TBC1D12: variants seen among roughly 807,000 people sequenced by gnomAD.
TBC1D12 encodes the protein TBC1 domain family, member 12.
Under a neutral mutation model 86.7 loss-of-function variants are expected in TBC1D12, and 56 were observed. The ratio of observed to expected loss-of-function variants is 0.65; its 90% CI spans 0.52 to 0.81. The LOEUF (loss-of-function observed/expected upper bound fraction) is 0.81. TBC1D12 is among the 30% of genes least tolerant of loss of function. TBC1D12 has a pLI of 0.00. For synonymous variants in TBC1D12, 421 were observed against 411.7 expected (o/e 1.02, Z -0.27); for missense variants, 1,023 against 1,038.8 (o/e 0.98, Z 0.21).
chr10:94,422,412 T>A (rs2055087921), intron 1 of TBC1D12, among the ~76,000 whole-genome samples: 1 of 151,920 alleles, frequency 6.6e-6, no homozygotes, highest in Non-Finnish European at 1.5e-5. Context: ...ATGGTCTCAA[T>A]CTCCTGACCT....
intron 9 of TBC1D12, among the ~76,000 whole-genome samples, chr10:94,515,003 G>A (rs1347748115): frequency 7.5e-5 from 11 of 147,392 alleles, no homozygotes; most frequent in Non-Finnish European, 1.6e-4. Context: ...CGCCTCCCGG[G>A]TTCACGCCAT....
chr10:94,503,488 A>C (rs1240299959), intron 6 of TBC1D12, among the ~76,000 whole-genome samples: 6 of 152,238 alleles, frequency 3.9e-5, no homozygotes, highest in African/African-American at 1.4e-4. Context: ...AATTGGACAG[A>C]ATTATAACAA....
intron 2 of TBC1D12, among the ~76,000 whole-genome samples, chr10:94,455,681 G>A (rs941168425): frequency 2.2e-4 from 33 of 152,330 alleles, no homozygotes; most frequent in Middle Eastern, 3.4e-3. Flanking sequence ...TGTAATCCCA[G>A]CACTTTGGGA....
At chr10:94,524,347 G>T (rs192492990) in intron 11 of TBC1D12, among the ~76,000 whole-genome samples, 7 of 152,262 alleles carry the variant, frequency 4.6e-5, no homozygotes, top group African/African-American at 1.7e-4. Flanking sequence ...GCAAAATGTG[G>T]TTTAGCTGTT....
Position 94,403,088 on chromosome 10 carries a change from G to A in TBC1D12, c.475G>A (p.Gly159Ser), listed in dbSNP as rs1423569939. 1 of 1,427,648 alleles carries A rather than the reference G, an allele frequency of 7.0e-7. No homozygotes were observed. The highest frequency in any genetic ancestry group is 9.1e-7 in the Non-Finnish European group (1 of 1,094,262). The allele number at this position is 1,427,648 out of a possible 1,614,324, so 88.4% of individuals were successfully genotyped here. Residue 159 changes from glycine (G) to serine (S), a missense_variant, in exon 1 of 13, where the codon GGC (glycine) becomes AGC (serine). This residue lies in a region of TBC1D12 where 628 missense variants were observed against 531.1 expected (regional missense o/e 1.18). Coordinates refer to ENST00000225235, the MANE Select transcript of TBC1D12 (RefSeq NM_015188.2). ...AGAGGCTCGCGGGCTGGCGCGCGCC[G>A]GCGGCCGGGAGTCGCGCCGCCGCCG... Reference protein sequence around the residue: ...LEEARGLARAGGRESRRRRPY... With the variant: ...LEEARGLARASGRESRRRRPY...
intron 2 of TBC1D12, among the ~76,000 whole-genome samples, chr10:94,467,135 AAT>A (rs1438237829): frequency 1.3e-5 from 2 of 152,340 alleles, no homozygotes; most frequent in East Asian, 1.9e-4. Flanking sequence ...TTTAAATAAA[AAT>A]AGTGTTCTTG....
Position 94,498,052 on chromosome 10 carries a change from C to T in TBC1D12, c.1412+880C>T, listed in dbSNP as rs192385997. ...CACAGGATGGTCTCGATCTCCTGAC[C>T]TTGTGATCTGCCTGCCTCGGCCTCC... On this transcript the variant is annotated intron_variant, in intron 5 of 12. Transcript: ENST00000225235. Among the ~76,000 whole-genome samples the T allele has an allele frequency of 3.0e-3, 452 of 152,196 alleles. 3 individuals are homozygous for T. The highest frequency in any genetic ancestry group is 0.01 in the African/African-American group (426 of 41,528).
intron 3 of TBC1D12, among the ~76,000 whole-genome samples, chr10:94,475,895 C>T (rs1564965844): frequency 6.6e-6 from 1 of 151,428 alleles, no homozygotes; most frequent in African/African-American, 2.4e-5. Context: ...TGGATCAATT[C>T]TTTTTTTTTA....
chr10:94,496,933 T>C, intron 4 of TBC1D12, 122 bp from the exon 5 acceptor site: 1 of 470,694 alleles, frequency 2.1e-6, no homozygotes, highest in Non-Finnish European at 3.6e-6. Context: ...CCTTATTTCC[T>C]TCCTTCCTCT....
At chr10:94,477,189 A>G (rs934806332) in intron 3 of TBC1D12, among the ~76,000 whole-genome samples, 1 of 152,168 alleles carries the variant, frequency 6.6e-6, no homozygotes, top group Non-Finnish European at 1.5e-5. Flanking sequence ...CCTTTGTAGT[A>G]TAGAGACTGA....
intron 3 of TBC1D12, among the ~76,000 whole-genome samples, chr10:94,479,380 TTGTAA>T (rs1213326752): frequency 1.3e-5 from 2 of 152,110 alleles, no homozygotes; most frequent in African/African-American, 4.8e-5. Flanking sequence ...AAAAGGGATA[TTGTAA>T]TTATTTTATA....
At chr10:94,531,679 T>TTTATGTTATTTTATGTTATG (rs1193904986) in intron 12 of TBC1D12, among the ~76,000 whole-genome samples, 1 of 133,050 alleles carries the variant, frequency 7.5e-6, no homozygotes, top group African/African-American at 2.8e-5. Flanking sequence ...TTTATTTTAT[T>TTTATGTTATTTTATGTTATG]TTATTTTATG....
chr10:94,534,146 T>A lies in TBC1D12; in HGVS notation c.*1050T>A, dbSNP rs1842497436. 6.6e-6 allele frequency: 1 copy of A among 152,212 alleles called. No homozygotes were observed. The highest frequency in any genetic ancestry group is 1.5e-5 in the Non-Finnish European group (1 of 68,028). The allele number at this position is 152,212 out of a possible 1,614,324, so 9.4% of individuals were successfully genotyped here. ...AGGTAAAGTTAATTTTTTTTCTAAG[T>A]CTACATCCTATCTCTTGATTCAGTT... is the stretch of plus-strand genomic sequence containing the variant. On this transcript the variant is annotated 3_prime_UTR_variant, in exon 13 of 13. Coordinates refer to ENST00000225235, the MANE Select transcript of TBC1D12 (RefSeq NM_015188.2).
intron 2 of TBC1D12, among the ~76,000 whole-genome samples, chr10:94,450,532 T>C (rs1196679061): frequency 6.6e-6 from 1 of 152,088 alleles, no homozygotes; most frequent in East Asian, 1.9e-4. Context: ...GGCTAGAGAA[T>C]TGGGTTTTAT....
intron 7 of TBC1D12, chr10:94,508,820 C>T (rs909844173): frequency 2.0e-5 from 3 of 152,116 alleles, no homozygotes; most frequent in East Asian, 1.9e-4. Context: ...CTGCCTCTGT[C>T]GGCTGTTTTT....
intron 8 of TBC1D12, among the ~76,000 whole-genome samples, chr10:94,510,422 T>G (rs1003463013): frequency 6.6e-6 from 1 of 152,338 alleles, no homozygotes; most frequent in East Asian, 1.9e-4. Context: ...AGGCACTTGA[T>G]GAATTTTATT....
intron 5 of TBC1D12, among the ~76,000 whole-genome samples, chr10:94,497,838 T>C (rs1380912308): frequency 4.6e-4 from 67 of 147,078 alleles, no homozygotes; most frequent in African/African-American, 1.6e-3. Context: ...TTTTTTTTTT[T>C]CTGAGACGGA....
At chr10:94,472,065 A>T (rs2055915496) in intron 2 of TBC1D12, among the ~76,000 whole-genome samples, 1 of 152,116 alleles carries the variant, frequency 6.6e-6, no homozygotes, top group Non-Finnish European at 1.5e-5. Context: ...AGTCTGATCT[A>T]CCCCGATGAG....
At chr10:94,459,518 GA>G (rs1023720711) in intron 2 of TBC1D12, among the ~76,000 whole-genome samples, 61 of 152,386 alleles carry the variant, frequency 4.0e-4, no homozygotes, top group African/African-American at 1.1e-3. Flanking sequence ...TTGGATGGTA[GA>G]TGGGACCTTG....
Sources: gnomAD v4.1 joint callset for allele counts (sites outside exome capture counted in the v4.1 genomes callset) on GRCh38, gnomAD v4.1.1 for gene constraint, gnomAD v4.1.1 regional missense constraint, MANE v1.5 for transcripts, NCBI Gene and HGNC (gene_info 2026-07-23, HGNC 2026-07-21) for gene names.